IFNA7: variants seen among roughly 807,000 people sequenced by gnomAD.
The protein encoded by IFNA7 is interferon alpha 7.
For synonymous variants in IFNA7, 119 were observed against 81.1 expected (o/e 1.47, Z -2.51); for missense variants, 278 against 216.3 (o/e 1.29, Z -1.79).
rs576371815 is a variant in IFNA7 at position 21,201,980 on chromosome 9, T to G, written c.186A>C (p.Pro62=). 55 of 1,613,068 alleles carry G rather than the reference T, an allele frequency of 3.4e-5. No individual in the cohort carries two copies. Among genetic ancestry groups the G allele is most frequent in the South Asian group, 4.4e-5 (4 of 91,032 alleles). Reference sequence around the variant, plus strand: ...ACTGGTGGCCATCAAACTCCTCCTCTGGGAATCTGAATTCATGTCTGTCCT... The same window carrying G: ...ACTGGTGGCCATCAAACTCCTCCTCGGGGAATCTGAATTCATGTCTGTCCT... ...CLKDRHEFRF[P]EEEFDGHQFQ... The change falls in exon 1 of 1, where the codon CCA becomes CCC. Residue 62 remains proline, a synonymous_variant. Coordinates refer to ENST00000239347, the MANE Select transcript of IFNA7 (RefSeq NM_021057.2).
rs1281308372 is a variant in IFNA7, at chr9:21,201,981, G to C, written c.185C>G (p.Pro62Arg). 5 of 1,613,228 alleles carry C rather than the reference G, an allele frequency of 3.1e-6. No individual in the cohort carries two copies. In the African/African-American group the frequency reaches 5.4e-5, roughly 17 times the overall value. Reference protein sequence around the residue: ...CLKDRHEFRFPEEEFDGHQFQ... With the variant: ...CLKDRHEFRFREEEFDGHQFQ... ...CTGGTGGCCATCAAACTCCTCCTCT[G>C]GGAATCTGAATTCATGTCTGTCCTT... Residue 62 changes from proline (P) to arginine (R), a missense_variant, in exon 1 of 1, where the codon CCA becomes CGA. Transcript: ENST00000239347.
rs775557165 is a variant in IFNA7 at position 21,202,138 on chromosome 9, C to A, written c.28G>T (p.Val10Phe). 10 of 1,609,844 alleles carry A rather than the reference C, an allele frequency of 6.2e-6. No individual in the cohort carries two copies. The East Asian group carries it at 1.1e-4, about 18-fold the overall frequency. ...GATTTGTAGCTGAGTACCAGCACGA[C>A]CATCAGTAAAGAAAAGGACCGGGCC... MARSFSLLM[V>F]VLVLSYKSIC... Residue 10 changes from valine to phenylalanine, a missense_variant, in exon 1 of 1, where the codon GTC becomes TTC. Coordinates refer to ENST00000239347, the MANE Select transcript of IFNA7 (RefSeq NM_021057.2).
rs1293311582 is a variant in IFNA7, at chr9:21,202,125, A to C, written c.41T>G (p.Leu14Arg). Reference protein sequence around the residue: ...SFSLLMVVLVLSYKSICSLGC... With the variant: ...SFSLLMVVLVRSYKSICSLGC... ...CAGAGAGCAGATGGATTTGTAGCTG[A>C]GTACCAGCACGACCATCAGTAAAGA... The change falls in exon 1 of 1, where the codon CTC (leucine) becomes CGC (arginine). Residue 14 changes from leucine (L) to arginine (R), a missense_variant. Coordinates refer to ENST00000239347, the MANE Select transcript of IFNA7 (RefSeq NM_021057.2). 6.2e-7 allele frequency: 1 copy of C among 1,612,944 alleles called. No homozygotes were observed. The highest frequency in any genetic ancestry group is 1.3e-5 in the African/African-American group (1 of 74,772).
chr9:21,201,497 T>G lies in IFNA7; in HGVS notation c.*99A>C. On this transcript the variant is annotated 3_prime_UTR_variant, in exon 1 of 1. Coordinates refer to ENST00000239347, the MANE Select transcript of IFNA7 (RefSeq NM_021057.2). ...AACATTTGGAAATTTTGATTCAACT[T>G]GTGGTGGTTATAGAAGTGAGTCTTT... 6.5e-7 allele frequency: 1 copy of G among 1,528,550 alleles called. No individual in the cohort carries two copies. Among genetic ancestry groups the G allele is most frequent in the African/African-American group, 1.4e-5 (1 of 71,656 alleles). 94.7% of individuals were successfully genotyped at this position (1,528,550 alleles called of 1,614,324 possible).
Position 21,201,678 on chromosome 9 carries a change from G to A in IFNA7, c.488C>T (p.Ala163Val). The A allele has an allele frequency of 3.1e-6, 5 of 1,613,738 alleles. No homozygotes were observed. The highest frequency in any genetic ancestry group is 4.2e-6 in the Non-Finnish European group (5 of 1,179,972). The change falls in exon 1 of 1, where the codon GCC becomes GTC. Residue 163 changes from alanine (A) to valine (V), a missense_variant. Ala to Val is a moderately conservative substitution (Grantham distance 64). Coordinates refer to ENST00000239347, the MANE Select transcript of IFNA7 (RefSeq NM_021057.2). ...YLMEKKYSPC[A>V]WEVVRAEIMR... ...GATTTCTGCTCTGACAACCTCCCAG[G>A]CACAAGGGCTGTATTTCTTCTCCAT...
rs1818170022 is a variant in IFNA7, at chr9:21,202,150, A to T, written c.16T>A (p.Ser6Thr). 2 of 1,606,758 alleles carry T rather than the reference A, an allele frequency of 1.2e-6. No individual in the cohort carries two copies. Among genetic ancestry groups the T allele is most frequent in the East Asian group, 2.2e-5 (1 of 44,826 alleles). MARSF[S>T]LLMVVLVLSY... Reference sequence around the variant, plus strand: ...AGTACCAGCACGACCATCAGTAAAGAAAAGGACCGGGCCATTGGGATTTTG... The same window carrying T: ...AGTACCAGCACGACCATCAGTAAAGTAAAGGACCGGGCCATTGGGATTTTG... Residue 6 changes from serine (S) to threonine (T), a missense_variant, in exon 1 of 1, where the codon TCT becomes ACT. Physicochemically the swap from Ser to Thr is moderately conservative, Grantham distance 58. Coordinates refer to ENST00000239347, the MANE Select transcript of IFNA7 (RefSeq NM_021057.2).
chr9:21,201,699 T>C lies in IFNA7; in HGVS notation c.467A>G (p.Glu156Gly), dbSNP rs377239976. Residue 156 changes from glutamate (E) to glycine (G), a missense_variant, in exon 1 of 1, where the codon GAG (glutamate) becomes GGG (glycine). Transcript: ENST00000239347. ...YFQRITLYLM[E>G]KKYSPCAWEV... ...CCAGGCACAAGGGCTGTATTTCTTC[T>C]CCATTAGATAAAGAGTGATTCTTTG... is the stretch of plus-strand genomic sequence containing the variant. The C allele has an allele frequency of 8.7e-6, 14 of 1,613,826 alleles. No homozygotes were observed. The highest frequency in any genetic ancestry group is 3.3e-5 in the Admixed American group (2 of 59,974).
At position 21,201,523 on chromosome 9, in the gene IFNA7, G is replaced by C; in HGVS notation, c.*73C>G. On this transcript the variant is annotated 3_prime_UTR_variant, in exon 1 of 1. Coordinates refer to ENST00000239347, the MANE Select transcript of IFNA7 (RefSeq NM_021057.2). ...GTGGTGGTTATAGAAGTGAGTCTTT[G>C]AAATGGAAGAACTCATGAAAGTGTG... is the stretch of plus-strand genomic sequence containing the variant. The C allele has an allele frequency of 4.5e-6, 7 of 1,564,682 alleles. No homozygotes were observed. Among genetic ancestry groups the C allele is most frequent in the Non-Finnish European group, 6.0e-6 (7 of 1,161,388 alleles).
Position 21,201,957 on chromosome 9 carries a change from T to C in IFNA7, c.209A>G (p.Gln70Arg). 6.2e-7 allele frequency: 1 copy of C among 1,613,564 alleles called. No homozygotes were observed. The highest frequency in any genetic ancestry group is 1.1e-5 in the South Asian group (1 of 91,054). The change falls in exon 1 of 1, where the codon CAG becomes CGG. Residue 70 changes from glutamine (Q) to arginine (R), a missense_variant. By Grantham distance (43) the Gln-to-Arg change is conservative. Coordinates refer to ENST00000239347, the MANE Select transcript of IFNA7 (RefSeq NM_021057.2). ...AGAGATGGCTTGAGTCTTCTGGAAC[T>C]GGTGGCCATCAAACTCCTCCTCTGG... The part of the protein sequence containing the change: ...RFPEEEFDGH[Q>R]FQKTQAISVL...
chr9:21,201,489 A>T lies in IFNA7; in HGVS notation c.*107T>A. On this transcript the variant is annotated 3_prime_UTR_variant, in exon 1 of 1. Transcript: ENST00000239347. ...CTCCTGAAAACATTTGGAAATTTTG[A>T]TTCAACTTGTGGTGGTTATAGAAGT... 6.6e-7 allele frequency: 1 copy of T among 1,514,904 alleles called. No homozygotes were observed. Among genetic ancestry groups the T allele is most frequent in the Non-Finnish European group, 8.8e-7 (1 of 1,130,598 alleles). 93.8% of individuals were successfully genotyped at this position (1,514,904 alleles called of 1,614,324 possible).
rs1175571039 is a variant in IFNA7 at position 21,202,026 on chromosome 9, A to C, written c.140T>G (p.Ile47Ser). 43 of 1,613,362 alleles carry C rather than the reference A, an allele frequency of 2.7e-5. No homozygotes were observed. The highest frequency in any genetic ancestry group is 3.6e-5 in the Non-Finnish European group (43 of 1,179,936). Reference sequence around the variant, plus strand: ...GTCCTTCAAGCAGGAGAAAGGAGAGATTCTTCCCATTTGTGCCAGGAGTAT... The same window carrying C: ...GTCCTTCAAGCAGGAGAAAGGAGAGCTTCTTCCCATTTGTGCCAGGAGTAT... ...ALILLAQMGR[I>S]SPFSCLKDRH... The change falls in exon 1 of 1, where the codon ATC (isoleucine) becomes AGC (serine). Residue 47 changes from isoleucine (I) to serine (S), a missense_variant. Coordinates refer to ENST00000239347, the MANE Select transcript of IFNA7 (RefSeq NM_021057.2).
In IFNA7 at chr9:21,201,974, C is replaced by T; in HGVS notation, c.192G>A (p.Glu64=). 1 of 1,613,426 alleles carries T rather than the reference C, an allele frequency of 6.2e-7. No homozygotes were observed. Among genetic ancestry groups the T allele is most frequent in the Non-Finnish European group, 8.5e-7 (1 of 1,179,932 alleles). ...TCTGGAACTGGTGGCCATCAAACTC[C>T]TCCTCTGGGAATCTGAATTCATGTC... ...KDRHEFRFPE[E]EFDGHQFQKT... Residue 64 remains glutamate (E), a synonymous_variant, in exon 1 of 1, where the codon GAG becomes GAA. Coordinates refer to ENST00000239347, the MANE Select transcript of IFNA7 (RefSeq NM_021057.2).
rs1445020680 is a variant in IFNA7, at chr9:21,202,168, G to A, written c.-3C>T. 1 of 1,589,230 alleles carries A rather than the reference G, an allele frequency of 6.3e-7. No individual in the cohort carries two copies. On this transcript the variant is annotated 5_prime_UTR_variant, in exon 1 of 1. Coordinates refer to ENST00000239347, the MANE Select transcript of IFNA7 (RefSeq NM_021057.2). ...AGTAAAGAAAAGGACCGGGCCATTG[G>A]GATTTTGCAAATATCACTAGGCTAC...
rs1563809918 is a variant in IFNA7 at position 21,202,068 on chromosome 9, C to CATA, written c.97_98insTAT (p.Arg33delinsLeuCys). 6.2e-7 allele frequency: 1 copy of CATA among 1,613,594 alleles called. No homozygotes were observed. The highest frequency in any genetic ancestry group is 2.2e-5 in the East Asian group (1 of 44,810). On this transcript the variant is annotated protein_altering_variant, in exon 1 of 1. Coordinates refer to ENST00000239347, the MANE Select transcript of IFNA7 (RefSeq NM_021057.2). ...CAGGAGTATCAAGGCCCTCCTATTACGCAGGCTGTGGGTCTGAGGCAGATC... is the reference window on the plus strand; with the variant it reads ...CAGGAGTATCAAGGCCCTCCTATTACATAGCAGGCTGTGGGTCTGAGGCAGATC...
rs1818165979 is a variant in IFNA7 at position 21,202,029 on chromosome 9, C to A, written c.137G>T (p.Arg46Ile). The A allele has an allele frequency of 2.5e-6, 4 of 1,613,480 alleles. No homozygotes were observed. The highest frequency in any genetic ancestry group is 3.4e-6 in the Non-Finnish European group (4 of 1,179,942). The change falls in exon 1 of 1, where the codon AGA becomes ATA. Residue 46 changes from arginine to isoleucine, a missense_variant. Transcript: ENST00000239347. ...RALILLAQMG[R>I]ISPFSCLKDR... is the part of the protein sequence containing the mutation. Reference sequence around the variant, plus strand: ...CTTCAAGCAGGAGAAAGGAGAGATTCTTCCCATTTGTGCCAGGAGTATCAA... The same window carrying A: ...CTTCAAGCAGGAGAAAGGAGAGATTATTCCCATTTGTGCCAGGAGTATCAA...
chr9:21,201,624 A>C lies in IFNA7; in HGVS notation c.542T>G (p.Leu181Trp), dbSNP rs760035768. ...ATCCTTCCTCCTTAATCCTTTTTTC[A>C]AGTTTGTTGAAAAAGAGAAGGATCT... is the stretch of plus-strand genomic sequence containing the variant. ...IMRSFSFSTN[L>W]KKGLRRKD is the part of the protein sequence containing the mutation. The change falls in exon 1 of 1, where the codon TTG becomes TGG. Residue 181 changes from leucine (L) to tryptophan (W), a missense_variant. By Grantham distance (61) the Leu-to-Trp change is moderately conservative. Coordinates refer to ENST00000239347, the MANE Select transcript of IFNA7 (RefSeq NM_021057.2). 8.1e-6 allele frequency: 13 copies of C among 1,611,278 alleles called. No homozygotes were observed. Among genetic ancestry groups the C allele is most frequent in the Non-Finnish European group, 1.1e-5 (13 of 1,179,346 alleles).
In IFNA7 at chr9:21,201,638, A is replaced by C; in HGVS notation, c.528T>G (p.Ser176=). The part of the protein sequence containing the change: ...VVRAEIMRSF[S]FSTNLKKGLR... Reference sequence around the variant, plus strand: ...ATCCTTTTTTCAAGTTTGTTGAAAAAGAGAAGGATCTCATGATTTCTGCTC... The same window carrying C: ...ATCCTTTTTTCAAGTTTGTTGAAAACGAGAAGGATCTCATGATTTCTGCTC... The change falls in exon 1 of 1, where the codon TCT becomes TCG. Residue 176 remains serine, a synonymous_variant. Transcript: ENST00000239347. 2 of 1,613,674 alleles carry C rather than the reference A, an allele frequency of 1.2e-6. No individual in the cohort carries two copies.
At position 21,201,553 on chromosome 9, in the gene IFNA7, G is replaced by C. The variant is rs775380136; in HGVS notation, c.*43C>G. On this transcript the variant is annotated 3_prime_UTR_variant, in exon 1 of 1. Transcript: ENST00000239347. ...GGAAGAACTCATGAAAGTGTGAGAT[G>C]ATGCATTAGTCAATGAGAATCATTT... 2.5e-6 allele frequency: 4 copies of C among 1,598,416 alleles called. No individual in the cohort carries two copies. Among genetic ancestry groups the C allele is most frequent in the Non-Finnish European group, 3.4e-6 (4 of 1,175,162 alleles).
At position 21,202,055 on chromosome 9, in the gene IFNA7, G is replaced by C. The variant is rs746250278; in HGVS notation, c.111C>G (p.Ala37=). 1.9e-6 allele frequency: 3 copies of C among 1,613,450 alleles called. No homozygotes were observed. The highest frequency in any genetic ancestry group is 2.7e-5 in the African/African-American group (2 of 74,620). Residue 37 remains alanine (A), a synonymous_variant, in exon 1 of 1, where the codon GCC becomes GCG. Transcript: ENST00000239347. ...PQTHSLRNRR[A]LILLAQMGRI... is the part of the protein sequence containing the mutation. The stretch of plus-strand genomic sequence containing the variant: ...TTCCCATTTGTGCCAGGAGTATCAA[G>C]GCCCTCCTATTACGCAGGCTGTGGG...
Sources: allele counts gnomAD v4.1 joint callset, GRCh38; gene constraint gnomAD v4.1.1; transcripts MANE v1.5; gene names NCBI Gene and HGNC (gene_info 2026-07-23, HGNC 2026-07-21).